HNRNPA2B1: variants seen among roughly 807,000 people sequenced by gnomAD.
The protein encoded by HNRNPA2B1 is heterogeneous nuclear ribonucleoprotein A2/B1.
In HNRNPA2B1, 3 loss-of-function variants were observed where a neutral mutation model predicts 46.3. The ratio of observed to expected loss-of-function variants is 0.06; its 90% CI spans 0.03 to 0.17. The LOEUF (loss-of-function observed/expected upper bound fraction) is 0.17, where lower values mean the gene tolerates loss of function less well. Ranked by LOEUF, HNRNPA2B1 falls within the 10% of genes least tolerant of loss-of-function variation. The pLI is 1.00. For synonymous variants in HNRNPA2B1, 225 were observed against 133.8 expected, an observed-to-expected ratio of 1.68 and a Z score of -4.70; for missense variants, 221 against 418.9, an observed-to-expected ratio of 0.53 and a Z score of 4.12.
rs571295720 is a variant in HNRNPA2B1 at position 26,196,740 on chromosome 7, C to T, written c.475+67G>A. On this transcript the variant is annotated intron_variant, in intron 4 of 10. Transcript: ENST00000618183. ...AAAAGTTTACCTTTCAATAAAGTTA[C>T]AGATGTTAACATACACAAAATTGAA... 5.0e-5 allele frequency: 78 copies of T among 1,558,402 alleles called. 1 individual carries two copies. The South Asian group carries it at 8.4e-4, about 17-fold the overall frequency.
intron 6 of HNRNPA2B1, 69 bp downstream of exon 6, chr7:26,196,332 A>G: frequency 7.9e-7 from 1 of 1,265,264 alleles, no homozygotes; most frequent in Non-Finnish European, 1.1e-6. Context: ...TGATTCTACT[A>G]ATGAAAACCT....
chr7:26,195,605 T>G, intron 7 of HNRNPA2B1: 1 of 498,306 alleles, frequency 2.0e-6, no homozygotes, highest in South Asian at 2.5e-5. Context: ...ATCATTTTGC[T>G]TGAGAAAAGA....
At position 26,196,427 on chromosome 7, in the gene HNRNPA2B1, G is replaced by A; in HGVS notation, c.632C>T (p.Pro211Leu). The change falls in exon 6 of 11, where the codon CCA (proline) becomes CTA (leucine). Residue 211 changes from proline (P) to leucine (L), a missense_variant. Around this residue, in one of 2 missense-constraint regions of HNRNPA2B1, gnomAD observed 143 missense variants for 200.5 expected, o/e 0.71. Coordinates refer to ENST00000618183, the MANE Select transcript of HNRNPA2B1 (RefSeq NM_002137.4). The part of the protein sequence containing the change: ...RGGGGNFGPG[P>L]GSNFRGGSDG... ...AGATCCTCCTCTAAAGTTACTTCCT[G>A]GTCCTGGTCCGAAATTTCCACCGCC... 6.2e-7 allele frequency: 1 copy of A among 1,613,820 alleles called. No individual in the cohort carries two copies. The highest frequency in any genetic ancestry group is 2.2e-5 in the East Asian group (1 of 44,888).
rs1486841277 is a variant in HNRNPA2B1 at position 26,197,195 on chromosome 7, C to G, written c.264+120G>C. 6 of 1,289,828 alleles carry G rather than the reference C, an allele frequency of 4.7e-6. No individual in the cohort carries two copies. The East Asian group carries it at 9.3e-5, about 20-fold the overall frequency. 79.9% of individuals were successfully genotyped at this position (1,289,828 alleles called of 1,614,324 possible). A position where few individuals can be genotyped will look rare whatever the true frequency, so the allele number is the denominator to read the frequency against. On this transcript the variant is annotated intron_variant, in intron 3 of 10. Coordinates refer to ENST00000618183, the MANE Select transcript of HNRNPA2B1 (RefSeq NM_002137.4). ...TAGCTTAAGAAAATGGTCCAGAAAC[C>G]CAACACACCTTTAATAAGAGAAAAA...
chr7:26,195,797 T>C (rs553526305), intron 7 of HNRNPA2B1, 50 bp downstream of exon 7: 86 of 1,581,986 alleles, frequency 5.4e-5, no homozygotes, highest in Non-Finnish European at 6.5e-5. Context: ...ATATACGATA[T>C]AGTTAAGTAT....
At position 26,200,669 on chromosome 7, in the gene HNRNPA2B1, C is replaced by T; in HGVS notation, c.-92G>A. 1 of 1,526,986 alleles carries T rather than the reference C, an allele frequency of 6.5e-7. No homozygotes were observed. The highest frequency in any genetic ancestry group is 9.1e-7 in the Non-Finnish European group (1 of 1,104,418). The allele number at this position is 1,526,986 out of a possible 1,614,324, so 94.6% of individuals were successfully genotyped here. A position where few individuals can be genotyped will look rare whatever the true frequency, so the allele number is the denominator to read the frequency against. On this transcript the variant is annotated 5_prime_UTR_variant, in exon 1 of 11. Transcript: ENST00000618183. ...AACACGAACCGGACTCGTCCTGGCG[C>T]TGTAGTGAGAACTGCCGCTGCTCGA...
chr7:26,194,242 A>C (rs1380141657), intron 7 of HNRNPA2B1, among the ~76,000 whole-genome samples: 3 of 152,110 alleles, frequency 2.0e-5, no homozygotes, highest in Admixed American at 6.5e-5. Flanking sequence ...TAAAAATACA[A>C]AACATTAGCC....
rs780064326 is a variant in HNRNPA2B1 at position 26,195,917 on chromosome 7, G to A, written c.659-8C>T. On this transcript the variant is annotated splice_region_variant and splice_polypyrimidine_tract_variant and intron_variant, in intron 6 of 10. Coordinates refer to ENST00000618183, the MANE Select transcript of HNRNPA2B1 (RefSeq NM_002137.4). ...GTCCACTGCCATATCCATCTGTTAG[G>A]GGCCAAAAAAAGATTACGTTTACTA... The A allele has an allele frequency of 6.3e-7, 1 of 1,598,506 alleles. No homozygotes were observed. The highest frequency in any genetic ancestry group is 1.8e-5 in the Admixed American group (1 of 54,942).
At chr7:26,200,257 G>A (rs982891832) in intron 1 of HNRNPA2B1, 5 of 368,378 alleles carry the variant, frequency 1.4e-5, no homozygotes, top group African/African-American at 6.2e-5. Flanking sequence ...CCGAAGCAGC[G>A]TGCTTTAGAA....
intron 7 of HNRNPA2B1, among the ~76,000 whole-genome samples, chr7:26,193,897 G>A (rs1783193445): frequency 6.6e-6 from 1 of 152,142 alleles, no homozygotes; most frequent in Non-Finnish European, 1.5e-5. Context: ...AACACCATGT[G>A]CACACAGTTA....
rs768069321 is a variant in HNRNPA2B1, at chr7:26,192,501, C to CAAATAGG, written c.*8_*14dup. 1.0e-5 allele frequency: 16 copies of CAAATAGG among 1,607,684 alleles called. No individual in the cohort carries two copies. The Admixed American group carries it at 2.7e-4, about 27-fold the overall frequency. ...AAACTCAAAAGCTACTTACCCATGG[C>CAAATAGG]AAATAGGAAGAAGCTCAGTATCGGC... On this transcript the variant is annotated 3_prime_UTR_variant, in exon 10 of 11. Coordinates refer to ENST00000618183, the MANE Select transcript of HNRNPA2B1 (RefSeq NM_002137.4).
intron 7 of HNRNPA2B1, among the ~76,000 whole-genome samples, chr7:26,194,470 G>A (rs890155361): frequency 4.0e-5 from 6 of 151,896 alleles, no homozygotes; most frequent in Admixed American, 6.6e-5. Context: ...AAGTTGAGGC[G>A]GGTGGATTGC....
In HNRNPA2B1 at chr7:26,193,381, A is replaced by T. The variant is rs756264854; in HGVS notation, c.842-8T>A. On this transcript the variant is annotated splice_region_variant and splice_polypyrimidine_tract_variant and intron_variant, in intron 8 of 10. Coordinates refer to ENST00000618183, the MANE Select transcript of HNRNPA2B1 (RefSeq NM_002137.4). ...TTCCACTTCCATAATTTCCTATTAA[A>T]AAATTGGAATACTCAGAACAATACA... is the stretch of plus-strand genomic sequence containing the variant. 6.2e-7 allele frequency: 1 copy of T among 1,609,406 alleles called. No individual in the cohort carries two copies. Among genetic ancestry groups the T allele is most frequent in the East Asian group, 2.2e-5 (1 of 44,844 alleles).
intron 7 of HNRNPA2B1, 69 bp downstream of exon 7, chr7:26,195,778 A>G: frequency 8.5e-6 from 13 of 1,522,160 alleles, no homozygotes; most frequent in Non-Finnish European, 1.2e-5. Flanking sequence ...CAAAATATAA[A>G]TGAAGTAAAT....
chr7:26,200,243 G>A, intron 1 of HNRNPA2B1: 1 of 333,916 alleles, frequency 3.0e-6, no homozygotes. Context: ...AGACGCCGTG[G>A]CCCCCGAAGC....
At chr7:26,198,704 T>C (rs1482992513) in intron 1 of HNRNPA2B1, 2 of 152,254 alleles carry the variant, frequency 1.3e-5, no homozygotes, top group Non-Finnish European at 2.9e-5. Flanking sequence ...TAAGGAAACC[T>C]GTCTTAAAAG....
At chr7:26,200,256 C>A (rs568908392) in intron 1 of HNRNPA2B1, 111 of 364,398 alleles carry the variant, frequency 3.0e-4, no homozygotes, top group African/African-American at 2.0e-3. Context: ...CCCGAAGCAG[C>A]GTGCTTTAGA....
rs767421344 is a variant in HNRNPA2B1 at position 26,197,019 on chromosome 7, TAA to T, written c.265-4_265-3del. The T allele has an allele frequency of 2.5e-6, 4 of 1,608,622 alleles. No homozygotes were observed. The highest frequency in any genetic ancestry group is 1.3e-5 in the African/African-American group (1 of 74,804). On this transcript the variant is annotated splice_region_variant and splice_polypyrimidine_tract_variant and intron_variant, in intron 3 of 10. Coordinates refer to ENST00000618183, the MANE Select transcript of HNRNPA2B1 (RefSeq NM_002137.4). ...ATGAGCCCCTGGTTTTCCAGATTCC[TAA>T]AATAGTGGTGGGGTAAAAGTCATCC...
At position 26,190,139 on chromosome 7, in the gene HNRNPA2B1, G is replaced by A. The variant is rs1237172244; in HGVS notation, c.*2221C>T. The A allele has an allele frequency of 1.3e-5, 2 of 152,488 alleles. No individual in the cohort carries two copies. Among genetic ancestry groups the A allele is most frequent in the Non-Finnish European group, 2.9e-5 (2 of 67,990 alleles). The allele number at this position is 152,488 out of a possible 1,614,324, so 9.4% of individuals were successfully genotyped here. ...TACACCAAGTATTTGGATACAAAAA[G>A]TATTTATTTTATAAACTTTATATTT... is the stretch of plus-strand genomic sequence containing the variant. On this transcript the variant is annotated 3_prime_UTR_variant, in exon 11 of 11. Transcript: ENST00000618183.
Sources: gnomAD v4.1 joint callset for allele counts (sites outside exome capture counted in the v4.1 genomes callset) on GRCh38, gnomAD v4.1.1 for gene constraint, gnomAD v4.1.1 regional missense constraint, MANE v1.5 for transcripts, NCBI Gene and HGNC (gene_info 2026-07-23, HGNC 2026-07-21) for gene names.